Variants in UTP4 observed in about 807,000 individuals in gnomAD.
UTP4 encodes the protein UTP4 small subunit processome component, also known as U3 small nucleolar RNA-associated protein 4 homolog.
A neutral mutation model predicts 82.4 loss-of-function variants in UTP4; 45 were observed. The ratio of observed to expected loss-of-function variants is 0.55; its 90% CI spans 0.43 to 0.70. The LOEUF (loss-of-function observed/expected upper bound fraction) is 0.70. Among genes scored for constraint, UTP4 ranks in the 30% least tolerant of loss-of-function variants. The pLI, the probability that UTP4 is intolerant of heterozygous loss-of-function variation, is 0.00. For missense variants in UTP4, 819 were observed against 858.3 expected (o/e 0.95, Z 0.57); for synonymous variants, 348 against 300.3 (o/e 1.16, Z -1.64).
At chr16:69,158,187 T>TG (rs1963472567) in intron 12 of UTP4, among the ~76,000 whole-genome samples, 1 of 136,988 alleles carries the variant, frequency 7.3e-6, no homozygotes, top group Non-Finnish European at 1.6e-5. Flanking sequence ...TTTTTTTTTT[T>TG]TTTTGAGATG....
At chr16:69,146,292 T>G (rs191669111) in intron 6 of UTP4, among the ~76,000 whole-genome samples, 2 of 152,204 alleles carry the variant, frequency 1.3e-5, no homozygotes, top group Non-Finnish European at 2.9e-5. Flanking sequence ...AACAGAAACC[T>G]GTACTCATTA....
At chr16:69,163,880 G>GTTTTTTTTTTTTTTT (rs201368311) in intron 14 of UTP4, among the ~76,000 whole-genome samples, 1 of 132,600 alleles carries the variant, frequency 7.5e-6, no homozygotes, top group African/African-American at 2.9e-5. Flanking sequence ...TTGATGGTCA[G>GTTTTTTTTTTTTTTT]TTTGTTTTTT....
At position 69,150,773 on chromosome 16, in the gene UTP4, T is replaced by C. The variant is rs74886142; in HGVS notation, c.911-40T>C. 8.9e-4 allele frequency: 1,434 copies of C among 1,613,392 alleles called. 10 individuals carry two copies. In the African/African-American group the frequency reaches 0.018, roughly 20 times the overall value. ...CCAGTTCTGGCTGTTCTCGTGAGGA[T>C]GACTTCTAATTCTGTACACCTTCTC... is the stretch of plus-strand genomic sequence containing the variant. On this transcript the variant is annotated intron_variant, in intron 7 of 16. Transcript: ENST00000314423.
chr16:69,133,125 T>G, intron 1 of UTP4: 1 of 351,578 alleles, frequency 2.8e-6, no homozygotes, highest in Non-Finnish European at 5.4e-6. Flanking sequence ...CTACCTCAGT[T>G]TAGGTCTGTT....
chr16:69,150,021 C>G (rs1412401291), intron 6 of UTP4, among the ~76,000 whole-genome samples: 5 of 152,130 alleles, frequency 3.3e-5, no homozygotes, highest in Admixed American at 6.5e-5. Context: ...AGCCACCATG[C>G]CTGGCTGATG....
intron 10 of UTP4, among the ~76,000 whole-genome samples, chr16:69,155,469 A>G (rs889192565): frequency 2.6e-5 from 4 of 152,124 alleles, no homozygotes; most frequent in African/African-American, 9.7e-5. Context: ...CTGGCCTTCA[A>G]ATGTTCTTCA....
At position 69,160,052 on chromosome 16, in the gene UTP4, A is replaced by C. The variant is rs1385844255; in HGVS notation, c.1445-304A>C. Among the ~76,000 whole-genome samples, 2 of 152,096 alleles carry C rather than the reference A, an allele frequency of 1.3e-5. 1 individual carries two copies. Among genetic ancestry groups the C allele is most frequent in the Non-Finnish European group, 2.9e-5 (2 of 68,008 alleles). The stretch of plus-strand genomic sequence containing the variant: ...GAAAGGAGTTTGAAACAATTAAAGT[A>C]TATATTTTAGTGGCAGATGCTGCCG... On this transcript the variant is annotated intron_variant, in intron 12 of 16. Transcript: ENST00000314423.
chr16:69,140,048 C>A, intron 5 of UTP4, 134 bp downstream of exon 5: 1 of 736,788 alleles, frequency 1.4e-6, no homozygotes, highest in East Asian at 2.6e-5. Flanking sequence ...CTGAGATGTC[C>A]ACAATTAATT....
chr16:69,133,399 C>G, intron 1 of UTP4, 59 bp from the exon 2 acceptor site: 3 of 1,524,190 alleles, frequency 2.0e-6, no homozygotes, highest in Non-Finnish European at 2.7e-6. Flanking sequence ...GAACTGAATA[C>G]TATATGTGAC....
At chr16:69,151,726 CATTT>C (rs977263996) in intron 8 of UTP4, among the ~76,000 whole-genome samples, 3 of 151,736 alleles carry the variant, frequency 2.0e-5, no homozygotes, top group African/African-American at 7.3e-5. Context: ...ACTGCAAAGA[CATTT>C]ATGGGGGCAG....
intron 5 of UTP4, chr16:69,142,398 A>G (rs1246197811): frequency 6.4e-6 from 1 of 155,426 alleles, no homozygotes; most frequent in Non-Finnish European, 1.4e-5. Flanking sequence ...GTTTTCATAT[A>G]CTGCTTCTGC....
chr16:69,168,328 C>T (rs1284404232), intron 16 of UTP4, among the ~76,000 whole-genome samples: 4 of 147,758 alleles, frequency 2.7e-5, no homozygotes, highest in South Asian at 2.2e-4. Context: ...CCCAGCTACC[C>T]GGGAGGCTGA....
At chr16:69,154,557 TATAAA>T (rs1963359357) in intron 10 of UTP4, 100 bp downstream of exon 10, 1 of 913,444 alleles carries the variant, frequency 1.1e-6, no homozygotes, top group South Asian at 1.4e-5. Context: ...TCATAAATTG[TATAAA>T]TTCTAAAACT....
intron 5 of UTP4, among the ~76,000 whole-genome samples, chr16:69,142,811 A>C (rs555340995): frequency 2.0e-5 from 3 of 151,936 alleles, no homozygotes; most frequent in Middle Eastern, 3.4e-3. Context: ...GTCTCTTTCC[A>C]TTTCACCCCA....
At chr16:69,149,020 C>T (rs1053914052) in intron 6 of UTP4, among the ~76,000 whole-genome samples, 3 of 151,452 alleles carry the variant, frequency 2.0e-5, no homozygotes, top group Admixed American at 6.6e-5. Flanking sequence ...CTGAGGCGGG[C>T]GGATCACCTG....
chr16:69,143,095 C>T lies in UTP4; in HGVS notation c.527-83C>T, dbSNP rs987813502. 2.1e-6 allele frequency: 3 copies of T among 1,409,074 alleles called. No homozygotes were observed. In the African/African-American group the frequency reaches 4.2e-5, roughly 20 times the overall value. The allele number at this position is 1,409,074 out of a possible 1,614,324, so 87.3% of individuals were successfully genotyped here. ...CTGGCCTTAAACTCCAGGGCTCAAG[C>T]AGTCCTTCCACTTTGGCCGCAGGCA... On this transcript the variant is annotated intron_variant, in intron 5 of 16. Coordinates refer to ENST00000314423, the MANE Select transcript of UTP4 (RefSeq NM_032830.3).
chr16:69,149,249 G>A (rs759045201), intron 6 of UTP4, among the ~76,000 whole-genome samples: 35 of 152,016 alleles, frequency 2.3e-4, no homozygotes, highest in Non-Finnish European at 3.7e-4. Context: ...GCATGGTGGC[G>A]CACGCCTGTA....
At chr16:69,138,104 C>A (rs1962858444) in intron 4 of UTP4, 2 of 543,594 alleles carry the variant, frequency 3.7e-6, no homozygotes, top group Non-Finnish European at 6.5e-6. Context: ...AACCAGAAAT[C>A]CAAAATTGGA....
Position 69,133,550 on chromosome 16 carries a change from T to C in UTP4, c.91T>C (p.Leu31=). ...GGCTTACAATAACCAGTCAAACAGA[T>C]TGGCTGTTTCACGAACAGATGGCAC... is the stretch of plus-strand genomic sequence containing the variant. ...CVAYNNQSNR[L]AVSRTDGTVE... Residue 31 remains leucine, a synonymous_variant, in exon 2 of 17, where the codon TTG becomes CTG. Coordinates refer to ENST00000314423, the MANE Select transcript of UTP4 (RefSeq NM_032830.3). The C allele has an allele frequency of 6.2e-7, 1 of 1,613,986 alleles. No individual in the cohort carries two copies. Among genetic ancestry groups the C allele is most frequent in the Non-Finnish European group, 8.5e-7 (1 of 1,179,858 alleles).
Sources: allele counts gnomAD v4.1 joint callset (sites outside exome capture counted in the v4.1 genomes callset), GRCh38; gene constraint gnomAD v4.1.1; transcripts MANE v1.5; gene names NCBI Gene and HGNC (gene_info 2026-07-23, HGNC 2026-07-21).